The following NAV2 variants were observed in gnomAD, a reference collection of about 807,000 sequenced individuals.
NAV2 encodes the protein neuron navigator 2.
Under a neutral mutation model 223.2 loss-of-function variants are expected in NAV2, and 54 were observed. That is an observed-to-expected ratio of 0.24 (90% CI 0.19 to 0.30). The LOEUF is 0.30. NAV2 is among the 10% of genes least tolerant of loss of function. The pLI, the probability that NAV2 is intolerant of heterozygous loss-of-function variation, is 1.00. For missense variants in NAV2, 2,806 were observed against 3,147.5 expected, an observed-to-expected ratio of 0.89 and a Z score of 2.60; for synonymous variants, 1,279 against 1,239.3, an observed-to-expected ratio of 1.03 and a Z score of -0.67.
At chr11:19,914,211 TCA>T (rs2043574184) in intron 6 of NAV2, among the ~76,000 whole-genome samples, 1 of 152,244 alleles carries the variant, frequency 6.6e-6, no homozygotes, top group Non-Finnish European at 1.5e-5. Flanking sequence ...ATTGGAGAAC[TCA>T]CATGTGGAAG....
chr11:19,565,022 C>G (rs2045223158), intron 1 of NAV2, among the ~76,000 whole-genome samples: 1 of 152,140 alleles, frequency 6.6e-6, no homozygotes, highest in Non-Finnish European at 1.5e-5. Flanking sequence ...GTAATCCCAG[C>G]TACTCGGGAG....
At chr11:19,354,313 G>A (rs538953310) in intron 1 of NAV2, among the ~76,000 whole-genome samples, 1 of 152,328 alleles carries the variant, frequency 6.6e-6, no homozygotes, top group East Asian at 1.9e-4. Context: ...CAAATCAGTA[G>A]CCACTAGCCA....
chr11:19,800,371 C>T (rs2058168390), intron 1 of NAV2, among the ~76,000 whole-genome samples: 1 of 152,144 alleles, frequency 6.6e-6, no homozygotes, highest in East Asian at 1.9e-4. Flanking sequence ...CAAGGCTGCC[C>T]CCTCCTGGGA....
intron 1 of NAV2, among the ~76,000 whole-genome samples, chr11:19,716,819 C>G (rs1400505523): frequency 6.6e-6 from 1 of 152,196 alleles, no homozygotes; most frequent in Non-Finnish European, 1.5e-5. Context: ...TTATATATCA[C>G]TTTCTATGTG....
intron 1 of NAV2, among the ~76,000 whole-genome samples, chr11:19,722,314 T>A (rs1206195736): frequency 8.5e-6 from 1 of 117,288 alleles, no homozygotes; most frequent in African/African-American, 4.9e-5. Context: ...TTAAATGAAG[T>A]AATTTTTTAA....
At chr11:19,459,996 A>G (rs1852097441) in intron 1 of NAV2, among the ~76,000 whole-genome samples, 1 of 152,192 alleles carries the variant, frequency 6.6e-6, no homozygotes, top group South Asian at 2.1e-4. Context: ...AGAGATTAGG[A>G]TTAAAATCCT....
intron 1 of NAV2, chr11:19,510,774 C>G (rs1184167012): frequency 2.6e-5 from 4 of 152,226 alleles, no homozygotes; most frequent in African/African-American, 2.4e-5. Context: ...GGAAAGTAGT[C>G]AGCTCTTCTC....
intron 36 of NAV2, among the ~76,000 whole-genome samples, chr11:20,109,895 C>T (rs931951337): frequency 1.3e-5 from 2 of 152,224 alleles, no homozygotes; most frequent in African/African-American, 4.8e-5. Context: ...TCCAGCCTTG[C>T]GCTGCACTTG....
At chr11:19,907,290 G>A (rs940874945) in intron 6 of NAV2, among the ~76,000 whole-genome samples, 1 of 152,142 alleles carries the variant, frequency 6.6e-6, no homozygotes, top group Non-Finnish European at 1.5e-5. Flanking sequence ...AAAGTCTGAA[G>A]CACCCCTGTA....
intron 1 of NAV2, among the ~76,000 whole-genome samples, chr11:19,616,345 T>C (rs1379346668): frequency 4.9e-4 from 4 of 8,110 alleles, no homozygotes; most frequent in African/African-American, 1.1e-3. Flanking sequence ...TGCGCGCGCA[T>C]GATCTGTGGC....
intron 1 of NAV2, among the ~76,000 whole-genome samples, chr11:19,561,434 T>C (rs989319616): frequency 2.6e-5 from 4 of 152,172 alleles, no homozygotes; most frequent in Non-Finnish European, 5.9e-5. Context: ...CACATACATA[T>C]ATGAAATTCA....
At chr11:19,944,696 T>TTCCTTCCTTCCTTCCTTC (rs1565613417) in intron 8 of NAV2, among the ~76,000 whole-genome samples, 2 of 144,434 alleles carry the variant, frequency 1.4e-5, no homozygotes, top group African/African-American at 5.7e-5. Context: ...TTTCTTTCTT[T>TTCCTTCCTTCCTTCCTTC]CTTCCTTCTT....
At chr11:19,816,697 C>T (rs527526721) in intron 1 of NAV2, among the ~76,000 whole-genome samples, 1 of 152,322 alleles carries the variant, frequency 6.6e-6, no homozygotes, top group South Asian at 2.1e-4. Context: ...AATATCCGCC[C>T]TCCTAAGCAA....
At chr11:19,492,163 G>T (rs12807060) in intron 1 of NAV2, among the ~76,000 whole-genome samples, 3,430 of 152,138 alleles carry the variant, frequency 0.023, 57 homozygotes, top group Non-Finnish European at 0.033. Context: ...GAAAATGTTT[G>T]AAATATTATG....
At chr11:19,426,237 A>G (rs1238689331) in intron 1 of NAV2, among the ~76,000 whole-genome samples, 1 of 152,126 alleles carries the variant, frequency 6.6e-6, no homozygotes, top group Non-Finnish European at 1.5e-5. Flanking sequence ...CTCTAGATGT[A>G]AAGTGTTGTT....
chr11:20,004,873 G>A (rs76735151), intron 11 of NAV2, among the ~76,000 whole-genome samples: 11,219 of 152,148 alleles, frequency 0.074, 455 homozygotes, highest in South Asian at 0.13. Context: ...GTGGTTAAGA[G>A]CAAAGGCTCC....
At position 20,118,251 on chromosome 11, in the gene NAV2, C is replaced by T; in HGVS notation, c.7283C>T (p.Thr2428Ile). 1 of 1,613,994 alleles carries T rather than the reference C, an allele frequency of 6.2e-7. No individual in the cohort carries two copies. Among genetic ancestry groups the T allele is most frequent in the Non-Finnish European group, 8.5e-7 (1 of 1,179,942 alleles). The change falls in exon 38 of 38, where the codon ACT (threonine) becomes ATT (isoleucine). Residue 2428 changes from threonine to isoleucine, a missense_variant. Thr to Ile is a moderately conservative substitution (Grantham distance 89). Transcript: ENST00000349880. ...DDILDSSLES[T>I]L ...ATCTTGGACTCCTCTTTGGAGTCCA[C>T]TCTGTGACAGGGGCCCGGAGCCCAG...
At chr11:19,879,588 G>A (rs1379654579) in intron 4 of NAV2, among the ~76,000 whole-genome samples, 1 of 152,136 alleles carries the variant, frequency 6.6e-6, no homozygotes, top group Non-Finnish European at 1.5e-5. Flanking sequence ...GGTCTTGCTC[G>A]AGACGCTTGC....
chr11:19,927,741 A>G (rs1243486449), intron 6 of NAV2, among the ~76,000 whole-genome samples: 2 of 152,178 alleles, frequency 1.3e-5, no homozygotes, highest in African/African-American at 2.4e-5. Flanking sequence ...GGGCTCTGCA[A>G]TCAGCATTTT....
Sources: gnomAD v4.1 joint callset for allele counts (sites outside exome capture counted in the v4.1 genomes callset) on GRCh38, gnomAD v4.1.1 for gene constraint, MANE v1.5 for transcripts, NCBI Gene and HGNC (gene_info 2026-07-23, HGNC 2026-07-21) for gene names.